Variants in PLXND1 observed in about 807,000 individuals in gnomAD.
PLXND1 encodes the protein plexin D1.
Under a neutral mutation model 197.7 loss-of-function variants are expected in PLXND1, and 54 were observed. The observed-to-expected ratio is 0.27, with a 90% CI of 0.22 to 0.34. PLXND1 has a LOEUF of 0.34. Ranked by LOEUF, PLXND1 falls within the 10% of genes least tolerant of loss-of-function variation. The probability of loss-of-function intolerance (pLI) is 1.00; values close to 1 mark genes in which losing one functional copy is unlikely to be tolerated. For synonymous variants in PLXND1, 1,180 were observed against 1,161.2 expected, an observed-to-expected ratio of 1.02 and a Z score of -0.33; for missense variants, 2,127 against 2,699.2, an observed-to-expected ratio of 0.79 and a Z score of 4.70.
In PLXND1 at chr3:129,578,338, G is replaced by A; in HGVS notation, c.2337C>T (p.Ala779=). The A allele has an allele frequency of 2.5e-6, 4 of 1,600,264 alleles. No homozygotes were observed. The highest frequency in any genetic ancestry group is 3.4e-6 in the Non-Finnish European group (4 of 1,173,154). The change falls in exon 9 of 36, where the codon GCC becomes GCT. Residue 779 remains alanine (A), a synonymous_variant. Transcript: ENST00000324093. ...QNILVPLANT[A]FFQGAALECS... ...CCTGGCTTCTACTTACCTGGAAAAA[G>A]GCAGTGTTGGCCAGAGGCACCAGGA...
At chr3:129,585,895 G>A in intron 5 of PLXND1, 57 bp downstream of exon 5, 1 of 1,607,762 alleles carries the variant, frequency 6.2e-7, no homozygotes, top group Admixed American at 1.7e-5. Flanking sequence ...CCTGGGTGCT[G>A]GGTGAAGGGA....
Position 129,593,264 on chromosome 3 carries a change from C to T in PLXND1, c.1312-3737G>A, listed in dbSNP as rs547906618. 2.4e-3 allele frequency among the ~76,000 whole-genome samples: 363 copies of T among 152,328 alleles called. 1 individual carries two copies. The highest frequency in any genetic ancestry group is 8.7e-3 in the African/African-American group (361 of 41,566). On this transcript the variant is annotated intron_variant, in intron 1 of 35. Transcript: ENST00000324093. ...AGCTCCCAGGCCTCCAGTCTCCCTC[C>T]TCCCTCTGCCCCACCCGCTGCGCCC... is the stretch of plus-strand genomic sequence containing the variant.
rs993521829 is a variant in PLXND1, at chr3:129,577,897, G to T, written c.2346+432C>A. On this transcript the variant is annotated intron_variant, in intron 9 of 35. Coordinates refer to ENST00000324093, the MANE Select transcript of PLXND1 (RefSeq NM_015103.3). The surrounding 1 kb of genome is among the most constrained non-coding windows in gnomAD (Gnocchi z 5.0). ...CAATGGGGAATGGGGTGGCCAAGGG[G>T]TTCTCTGGTCATTCTGCAGGGAAGA... 6.6e-6 allele frequency among the ~76,000 whole-genome samples: 1 copy of T among 152,246 alleles called. No homozygotes were observed. The highest frequency in any genetic ancestry group is 1.5e-5 in the Non-Finnish European group (1 of 68,036).
chr3:129,582,419 G>A (rs2085399512), intron 8 of PLXND1, among the ~76,000 whole-genome samples: 1 of 152,260 alleles, frequency 6.6e-6, no homozygotes, highest in African/African-American at 2.4e-5. Context: ...AGGGCACCAG[G>A]TGCCATGCTG....
chr3:129,586,859 G>T (rs377709238), intron 2 of PLXND1, 140 bp from the exon 3 acceptor site: 6 of 945,482 alleles, frequency 6.3e-6, no homozygotes, highest in Non-Finnish European at 1.6e-6. Flanking sequence ...AGTCACGGGC[G>T]TGCAGGGGAG....
intron 1 of PLXND1, among the ~76,000 whole-genome samples, chr3:129,597,011 G>T (rs1450633917): frequency 1.3e-5 from 2 of 152,216 alleles, no homozygotes; most frequent in Non-Finnish European, 2.9e-5. Flanking sequence ...GTAACAGTTC[G>T]GTAGAGTGAC....
At chr3:129,570,077 C>T (rs1043856597) in intron 19 of PLXND1, 120 bp from the exon 20 acceptor site, 19 of 668,860 alleles carry the variant, frequency 2.8e-5, no homozygotes, top group Middle Eastern at 2.4e-4. Flanking sequence ...AGGTGCCACA[C>T]TGATAACATA....
At position 129,566,620 on chromosome 3, in the gene PLXND1, A is replaced by G. The variant is rs754918794; in HGVS notation, c.4098T>C (p.Leu1366=). ...TRTFFPKCSS[L]YEERYVLPSQ... ...AGGGCAGCACGTAACGCTCTTCATA[A>G]AGGGAGGAACACTGCAGAGGCAGAC... The change falls in exon 23 of 36, where the codon CTT becomes CTC. Residue 1366 remains leucine (L), a synonymous_variant. Coordinates refer to ENST00000324093, the MANE Select transcript of PLXND1 (RefSeq NM_015103.3). 6.2e-7 allele frequency: 1 copy of G among 1,603,854 alleles called. No homozygotes were observed. The highest frequency in any genetic ancestry group is 2.2e-5 in the East Asian group (1 of 44,690).
intron 29 of PLXND1, among the ~76,000 whole-genome samples, chr3:129,561,297 C>T (rs2085055993): frequency 6.6e-6 from 1 of 152,162 alleles, no homozygotes; most frequent in Admixed American, 6.5e-5. Flanking sequence ...GTGCCTGGGG[C>T]GTCTGAGGGT....
At chr3:129,580,377 A>G (rs1016507559) in intron 8 of PLXND1, among the ~76,000 whole-genome samples, 2 of 152,166 alleles carry the variant, frequency 1.3e-5, no homozygotes, top group Non-Finnish European at 2.9e-5. Flanking sequence ...CCCCCTGCAG[A>G]CCGCAGGCTG....
chr3:129,557,077 C>T lies in PLXND1; in HGVS notation c.5586+6G>A, dbSNP rs920226828. On this transcript the variant is annotated splice_donor_region_variant and intron_variant, in intron 34 of 35. Transcript: ENST00000324093. This position sits in a 1 kb window ranked among gnomAD's most constrained non-coding sequence, Gnocchi z 4.8. Reference sequence around the variant, plus strand: ...GCCCCCATCCCCCGCCGCCGAGCCACCGCACCCTCGACTCCTCGGCCAGAT... The same window carrying T: ...GCCCCCATCCCCCGCCGCCGAGCCATCGCACCCTCGACTCCTCGGCCAGAT... The T allele has an allele frequency of 1.1e-5, 18 of 1,613,584 alleles. No individual in the cohort carries two copies. The Admixed American group carries it at 1.5e-4, about 13-fold the overall frequency.
intron 1 of PLXND1, chr3:129,591,293 T>C (rs565340245): frequency 1.3e-4 from 20 of 152,376 alleles, no homozygotes; most frequent in African/African-American, 4.1e-4. Flanking sequence ...GGTATATCCA[T>C]AGTGTTTTCC....
intron 8 of PLXND1, among the ~76,000 whole-genome samples, chr3:129,579,491 T>C (rs1286093730): frequency 1.3e-5 from 2 of 152,148 alleles, no homozygotes; most frequent in Non-Finnish European, 2.9e-5. Flanking sequence ...ACCTTAGTGA[T>C]CGCTCTGAGC....
chr3:129,565,666 G>A (rs2085129014), intron 24 of PLXND1, 128 bp from the exon 25 acceptor site: 1 of 896,534 alleles, frequency 1.1e-6, no homozygotes, highest in Non-Finnish European at 1.7e-6. Context: ...GTCCTGCGAG[G>A]GGTGAGTGGG....
At chr3:129,559,308 G>GCCGT in intron 32 of PLXND1, 1 of 283,208 alleles carries the variant, frequency 3.5e-6, no homozygotes, top group South Asian at 1.0e-4. Flanking sequence ...GCCTCAGTGT[G>GCCGT]CTTATCTGTG....
chr3:129,575,767 A>G lies in PLXND1; in HGVS notation c.2435T>C (p.Val812Ala). The G allele has an allele frequency of 1.2e-6, 2 of 1,610,288 alleles. No homozygotes were observed. Among genetic ancestry groups the G allele is most frequent in the South Asian group, 1.1e-5 (1 of 90,942 alleles). The change falls in exon 10 of 36, where the codon GTG (valine) becomes GCG (alanine). Residue 812 changes from valine to alanine, a missense_variant and splice_region_variant. Transcript: ENST00000324093. ...CCATGCTGGAGTCACCCCACTCACCACCACCTGGTCACAGCGTACAACAGA... is the reference window on the plus strand; with the variant it reads ...CCATGCTGGAGTCACCCCACTCACCGCCACCTGGTCACAGCGTACAACAGA... ...NESVVRCDQV[V>A]LHTTRKSQVF... is the part of the protein sequence containing the mutation.
chr3:129,571,808 C>T lies in PLXND1; in HGVS notation c.3114G>A (p.Glu1038=). 1 of 1,613,104 alleles carries T rather than the reference C, an allele frequency of 6.2e-7. No individual in the cohort carries two copies. The highest frequency in any genetic ancestry group is 8.5e-7 in the Non-Finnish European group (1 of 1,179,860). The part of the protein sequence containing the change: ...TDTSIACTMP[E]GALPAPVPVC... ...CAGGCACCGGAGCCGGCAGGGCCCC[C>T]TCAGGCATGGTGCAGGCGATGCTGG... The change falls in exon 16 of 36, where the codon GAG becomes GAA. Residue 1038 remains glutamate, a synonymous_variant. Coordinates refer to ENST00000324093, the MANE Select transcript of PLXND1 (RefSeq NM_015103.3).
chr3:129,556,717 G>A (rs752858185), intron 34 of PLXND1, 26 bp from the exon 35 acceptor site: 1 of 1,548,902 alleles, frequency 6.5e-7, no homozygotes, highest in South Asian at 1.1e-5. Context: ...ATGGGGAGGA[G>A]GTTAGCCCAG....
At chr3:129,560,253 C>T in intron 31 of PLXND1, 77 bp downstream of exon 31, 1 of 928,220 alleles carries the variant, frequency 1.1e-6, no homozygotes, top group Admixed American at 1.8e-5. Flanking sequence ...CACAGCTGGC[C>T]CTGAGCAATG....
Sources: allele counts gnomAD v4.1 joint callset (sites outside exome capture counted in the v4.1 genomes callset), GRCh38; gene constraint gnomAD v4.1.1; non-coding constraint Gnocchi (gnomAD v3.1); transcripts MANE v1.5; gene names NCBI Gene and HGNC (gene_info 2026-07-23, HGNC 2026-07-21).